The following HSPA1L variants were observed in gnomAD, a reference collection of about 807,000 sequenced individuals.
The protein encoded by HSPA1L is heat shock protein family A (Hsp70) member 1 like, also known as heat shock 70 kDa protein 1-like.
Under a neutral mutation model 31.5 loss-of-function variants are expected in HSPA1L, and 21 were observed. The ratio of observed to expected loss-of-function variants is 0.67; its 90% confidence interval spans 0.47 to 0.96. The LOEUF (loss-of-function observed/expected upper bound fraction) is 0.96, where lower values mean the gene tolerates loss of function less well. Among genes scored for constraint, HSPA1L ranks in the 40% least tolerant of loss-of-function variants. The pLI is 0.00. For missense variants in HSPA1L, 709 were observed against 813.4 expected, an observed-to-expected ratio of 0.87 and a Z score of 1.56; for synonymous variants, 293 against 323.1, an observed-to-expected ratio of 0.91 and a Z score of 1.00.
chr6:31,814,379 G>A (rs1049338772), intron 1 of HSPA1L, among the ~76,000 whole-genome samples: 20 of 151,864 alleles, frequency 1.3e-4, no homozygotes, highest in Non-Finnish European at 2.1e-4. Context: ...CGCGGTGGCG[G>A]GCGCCTGCAG....
At chr6:31,813,157 G>C (rs1279819646) in intron 1 of HSPA1L, among the ~76,000 whole-genome samples, 2 of 152,118 alleles carry the variant, frequency 1.3e-5, no homozygotes, top group African/African-American at 4.8e-5. Context: ...GACTACTCTT[G>C]TAACTTCATA....
At position 31,810,864 on chromosome 6, in the gene HSPA1L, G is replaced by A. The variant is rs1428221917; in HGVS notation, c.1109C>T (p.Ala370Val). The A allele has an allele frequency of 2.5e-6, 4 of 1,614,010 alleles. No individual in the cohort carries two copies. Among genetic ancestry groups the A allele is most frequent in the African/African-American group, 1.3e-5 (1 of 74,910 alleles). Reference protein sequence around the residue: ...DLNKSINPDEAVAYGAAVQAA... With the variant: ...DLNKSINPDEVVAYGAAVQAA... ...TTGTACCGCAGCCCCATATGCTACG[G>A]CCTCATCAGGGTTGATGCTCTTGTT... The change falls in exon 2 of 2, where the codon GCC becomes GTC. Residue 370 changes from alanine (A) to valine (V), a missense_variant. Transcript: ENST00000375654.
At chr6:31,813,602 C>T (rs1308292557) in intron 1 of HSPA1L, among the ~76,000 whole-genome samples, 1 of 152,124 alleles carries the variant, frequency 6.6e-6, no homozygotes, top group Non-Finnish European at 1.5e-5. Flanking sequence ...ACCACCGCAC[C>T]CGGCCTATAT....
intron 1 of HSPA1L, among the ~76,000 whole-genome samples, chr6:31,814,556 G>A (rs1398447181): frequency 2.6e-5 from 4 of 151,602 alleles, no homozygotes; most frequent in African/African-American, 9.7e-5. Context: ...TAAAATAAAG[G>A]GTTTAGTGTC....
rs755368492 is a variant in HSPA1L, at chr6:31,811,593, G to C, written c.380C>G (p.Thr127Ser). ...GGCCTCAGCAGTCTCCTTCAACTTA[G>C]TCAATACCATCGAAGAGATTTCCTC... is the stretch of plus-strand genomic sequence containing the variant. ...YPEEISSMVLTKLKETAEAFL... is the reference protein window; with the variant it reads ...YPEEISSMVLSKLKETAEAFL... Residue 127 changes from threonine to serine, a missense_variant, in exon 2 of 2, where the codon ACT becomes AGT. Physicochemically the swap from Thr to Ser is moderately conservative, Grantham distance 58. Coordinates refer to ENST00000375654, the MANE Select transcript of HSPA1L (RefSeq NM_005527.4). The C allele has an allele frequency of 6.2e-7, 1 of 1,614,090 alleles. No homozygotes were observed.
chr6:31,811,756 T>C lies in HSPA1L; in HGVS notation c.217A>G (p.Lys73Glu). Residue 73 changes from lysine to glutamate, a missense_variant, in exon 2 of 2, where the codon AAA becomes GAA. Coordinates refer to ENST00000375654, the MANE Select transcript of HSPA1L (RefSeq NM_005527.4). ...TTAAATTTCCTGCCGATCAGACGTT[T>C]AGCATCAAAAACAGTGTTCTGGGGA... ...MNPQNTVFDA[K>E]RLIGRKFNDP... The C allele has an allele frequency of 1.2e-6, 2 of 1,614,182 alleles. No homozygotes were observed. The highest frequency in any genetic ancestry group is 1.7e-6 in the Non-Finnish European group (2 of 1,180,036).
At chr6:31,813,030 A>C (rs374686264) in intron 1 of HSPA1L, among the ~76,000 whole-genome samples, 80 of 152,160 alleles carry the variant, frequency 5.3e-4, no homozygotes, top group African/African-American at 1.9e-3. Context: ...CTGTTGCCCA[A>C]GCTAGTTTCT....
Position 31,811,997 on chromosome 6 carries a change from G to C in HSPA1L, c.-13-12C>G. ...TGGTTCTCTGAGGCCTATGGAGAAA[G>C]AATAAGATACTGTTTTGGGAGAGTG... On this transcript the variant is annotated splice_polypyrimidine_tract_variant and intron_variant, in intron 1 of 1. Transcript: ENST00000375654. 6.2e-7 allele frequency: 1 copy of C among 1,610,610 alleles called. No individual in the cohort carries two copies. The highest frequency in any genetic ancestry group is 8.5e-7 in the Non-Finnish European group (1 of 1,178,162).
Position 31,811,498 on chromosome 6 carries a change from C to T in HSPA1L, c.475G>A (p.Ala159Thr). The T allele has an allele frequency of 6.2e-7, 1 of 1,614,170 alleles. No homozygotes were observed. Among genetic ancestry groups the T allele is most frequent in the Non-Finnish European group, 8.5e-7 (1 of 1,180,036 alleles). ...PAYFNDSQRQ[A>T]TKDAGVIAGL... ...GCAATCACACCTGCATCCTTAGTAG[C>T]CTGACGTTGAGAGTCATTGAAATAG... The change falls in exon 2 of 2, where the codon GCT (alanine) becomes ACT (threonine). Residue 159 changes from alanine (A) to threonine (T), a missense_variant. Coordinates refer to ENST00000375654, the MANE Select transcript of HSPA1L (RefSeq NM_005527.4).
At chr6:31,814,853 T>G in intron 1 of HSPA1L, 36 bp downstream of exon 1, 1 of 967,656 alleles carries the variant, frequency 1.0e-6, no homozygotes, top group Non-Finnish European at 1.2e-6. Context: ...ACTGAGCCTT[T>G]CAGGTTCACA....
Position 31,811,807 on chromosome 6 carries a change from C to A in HSPA1L, c.166G>T (p.Ala56Ser). 6.2e-7 allele frequency: 1 copy of A among 1,614,188 alleles called. No homozygotes were observed. Among genetic ancestry groups the A allele is most frequent in the Non-Finnish European group, 8.5e-7 (1 of 1,180,036 alleles). The part of the protein sequence containing the change: ...FTDTERLIGD[A>S]AKNQVAMNPQ... ...TTCATTGCTACCTGGTTCTTGGCCG[C>A]ATCCCCAATGAGCCGCTCGGTGTCT... Residue 56 changes from alanine (A) to serine (S), a missense_variant, in exon 2 of 2, where the codon GCG becomes TCG. Physicochemically the swap from Ala to Ser is moderately conservative, Grantham distance 99. Transcript: ENST00000375654.
chr6:31,810,309 A>C lies in HSPA1L; in HGVS notation c.1664T>G (p.Val555Gly). The change falls in exon 2 of 2, where the codon GTG becomes GGG. Residue 555 changes from valine (V) to glycine (G), a missense_variant. Physicochemically the swap from Val to Gly is moderately radical, Grantham distance 109. Transcript: ENST00000375654. Reference sequence around the variant, plus strand: ...CTTGCCCTTCAAACCTTCATCACTCACAACACTCTTCATGTTAAAAGCATA... The same window carrying C: ...CTTGCCCTTCAAACCTTCATCACTCCCAACACTCTTCATGTTAAAAGCATA... ...ESYAFNMKSVVSDEGLKGKIS... is the reference protein window; with the variant it reads ...ESYAFNMKSVGSDEGLKGKIS... The C allele has an allele frequency of 6.3e-7, 1 of 1,576,706 alleles. No homozygotes were observed. Among genetic ancestry groups the C allele is most frequent in the Non-Finnish European group, 8.6e-7 (1 of 1,164,082 alleles).
rs1370764096 is a variant in HSPA1L, at chr6:31,811,997, G to A, written c.-13-12C>T. ...TGGTTCTCTGAGGCCTATGGAGAAA[G>A]AATAAGATACTGTTTTGGGAGAGTG... On this transcript the variant is annotated splice_polypyrimidine_tract_variant and intron_variant, in intron 1 of 1. Transcript: ENST00000375654. 6.2e-7 allele frequency: 1 copy of A among 1,610,492 alleles called. No individual in the cohort carries two copies. Among genetic ancestry groups the A allele is most frequent in the Admixed American group, 1.7e-5 (1 of 59,248 alleles).
chr6:31,811,194 C>T lies in HSPA1L; in HGVS notation c.779G>A (p.Arg260Gln), dbSNP rs199646393. The change falls in exon 2 of 2, where the codon CGA (arginine) becomes CAA (glutamine). Residue 260 changes from arginine to glutamine, a missense_variant. Physicochemically the swap from Arg to Gln is conservative, Grantham distance 43. Transcript: ENST00000375654. ...GGCGGTGCGCAGCCGCCTCACGGCT[C>T]GCTTGTTCTGGCTGATGTCCTTTTT... The part of the protein sequence containing the change: ...KHKKDISQNK[R>Q]AVRRLRTACE... 114 of 1,614,212 alleles carry T rather than the reference C, an allele frequency of 7.1e-5. No homozygotes were observed. The highest frequency in any genetic ancestry group is 4.0e-4 in the Admixed American group (24 of 60,028).
rs1321582870 is a variant in HSPA1L at position 31,809,915 on chromosome 6, G to A, written c.*132C>T. On this transcript the variant is annotated 3_prime_UTR_variant, in exon 2 of 2. Transcript: ENST00000375654. ...AGGGAGTGTGATAGGTGGTGCATGA[G>A]ACTCCTTCTCCAGAATTTCCAAGGG... 4.2e-6 allele frequency: 3 copies of A among 706,568 alleles called. No individual in the cohort carries two copies. The highest frequency in any genetic ancestry group is 1.8e-5 in the African/African-American group (1 of 54,728). The allele number at this position is 706,568 out of a possible 1,614,324, so 43.8% of individuals were successfully genotyped here.
rs2227955 is a variant in HSPA1L at position 31,810,300 on chromosome 6, T to G, written c.1673A>C (p.Glu558Ala). 46,203 of 1,558,830 alleles carry G rather than the reference T, an allele frequency of 0.03. 927 individuals are homozygous for G. Among genetic ancestry groups the G allele is most frequent in the African/African-American group, 0.084 (6,131 of 72,898 alleles). The change falls in exon 2 of 2, where the codon GAA becomes GCA. Residue 558 changes from glutamate (E) to alanine (A), a missense_variant. Glu to Ala is a moderately radical substitution (Grantham distance 107). Transcript: ENST00000375654. ...AFNMKSVVSD[E>A]GLKGKISESD... ...CTCACTAATCTTGCCCTTCAAACCT[T>G]CATCACTCACAACACTCTTCATGTT... is the stretch of plus-strand genomic sequence containing the variant.
intron 1 of HSPA1L, among the ~76,000 whole-genome samples, chr6:31,812,623 AT>A (rs1815510815): frequency 6.6e-6 from 1 of 152,052 alleles, no homozygotes; most frequent in African/African-American, 2.4e-5. Flanking sequence ...CGCCCAGCCT[AT>A]TTTTTATTTT....
rs2227956 is a variant in HSPA1L at position 31,810,495 on chromosome 6, G to A, written c.1478C>T (p.Thr493Met). The part of the protein sequence containing the change: ...DANGILNVTA[T>M]DKSTGKVNKI... ...GTTCACCTTGCCGGTGCTCTTGTCCGTGGCTGTGACATTGAGAATACCATT... is the reference window on the plus strand; with the variant it reads ...GTTCACCTTGCCGGTGCTCTTGTCCATGGCTGTGACATTGAGAATACCATT... Residue 493 changes from threonine to methionine, a missense_variant, in exon 2 of 2, where the codon ACG (threonine) becomes ATG (methionine). Coordinates refer to ENST00000375654, the MANE Select transcript of HSPA1L (RefSeq NM_005527.4). The A allele has an allele frequency of 0.84, 1,349,530 of 1,613,352 alleles. 566,847 individuals carry two copies. The highest frequency in any genetic ancestry group is 0.97 in the African/African-American group (72,497 of 74,974).
At position 31,810,534 on chromosome 6, in the gene HSPA1L, A is replaced by C; in HGVS notation, c.1439T>G (p.Phe480Cys). The C allele has an allele frequency of 5.0e-6, 8 of 1,613,258 alleles. No individual in the cohort carries two copies. The highest frequency in any genetic ancestry group is 6.8e-6 in the Non-Finnish European group (8 of 1,179,574). Reference sequence around the variant, plus strand: ...GAGAATACCATTGGCATCAATGTCAAACGTCACCTCGATCTGAGGAACTCC... The same window carrying C: ...GAGAATACCATTGGCATCAATGTCACACGTCACCTCGATCTGAGGAACTCC... ...PRGVPQIEVT[F>C]DIDANGILNV... is the part of the protein sequence containing the mutation. Residue 480 changes from phenylalanine (F) to cysteine (C), a missense_variant, in exon 2 of 2, where the codon TTT becomes TGT. Phe to Cys is a radical substitution (Grantham distance 205). Transcript: ENST00000375654.
Sources: allele counts gnomAD v4.1 joint callset (sites outside exome capture counted in the v4.1 genomes callset), GRCh38; gene constraint gnomAD v4.1.1; transcripts MANE v1.5; gene names NCBI Gene and HGNC (gene_info 2026-07-23, HGNC 2026-07-21).